Variants in MACROD2 observed in about 807,000 individuals in gnomAD.
MACROD2 encodes mono-ADP ribosylhydrolase 2.
MACROD2 carries 36 observed loss-of-function variants against 70.4 expected under a neutral mutation model. That is an observed-to-expected ratio of 0.51 (90% CI 0.39 to 0.68). The LOEUF is 0.68. MACROD2 is among the 30% of genes least tolerant of loss of function. The probability of loss-of-function intolerance (pLI) is 0.00; values close to 1 mark genes in which losing one functional copy is unlikely to be tolerated. For missense variants in MACROD2, 496 were observed against 538.4 expected (o/e 0.92, Z 0.78); for synonymous variants, 172 against 178.8 (o/e 0.96, Z 0.30).
At chr20:14,664,275 G>GC (rs1235171453) in intron 4 of MACROD2, among the ~76,000 whole-genome samples, 1 of 152,036 alleles carries the variant, frequency 6.6e-6, no homozygotes, top group Non-Finnish European at 1.5e-5. Flanking sequence ...CACTGTTACA[G>GC]CCAAAATGCT....
intron 11 of MACROD2, among the ~76,000 whole-genome samples, chr20:15,934,902 T>C (rs2065634792): frequency 6.6e-6 from 1 of 152,026 alleles, no homozygotes; most frequent in Non-Finnish European, 1.5e-5. Flanking sequence ...TTCACCATGT[T>C]GGTCTCGAAT....
At chr20:15,680,926 A>G (rs1426527968) in intron 8 of MACROD2, among the ~76,000 whole-genome samples, 1 of 152,220 alleles carries the variant, frequency 6.6e-6, no homozygotes, top group Non-Finnish European at 1.5e-5. Context: ...TTTCATTTGA[A>G]TAAAACTCAT....
chr20:15,859,749 C>T (rs561659822), intron 8 of MACROD2, among the ~76,000 whole-genome samples: 8 of 134,090 alleles, frequency 6.0e-5, no homozygotes, highest in South Asian at 2.5e-4. Context: ...TCACTGTCAC[C>T]ATCCCCGCGC....
chr20:14,949,103 C>T (rs993362694), intron 5 of MACROD2, among the ~76,000 whole-genome samples: 3 of 152,084 alleles, frequency 2.0e-5, no homozygotes, highest in African/African-American at 7.2e-5. Flanking sequence ...TAAGTACAAC[C>T]ATCAGAATTA....
chr20:14,849,041 C>T (rs992423629), intron 5 of MACROD2, among the ~76,000 whole-genome samples: 1 of 152,118 alleles, frequency 6.6e-6, no homozygotes, highest in African/African-American at 2.4e-5. Context: ...ATCCAGGCAG[C>T]CCCCACCTCT....
At chr20:15,057,068 A>G (rs2075492270) in intron 5 of MACROD2, among the ~76,000 whole-genome samples, 1 of 152,220 alleles carries the variant, frequency 6.6e-6, no homozygotes, top group African/African-American at 2.4e-5. Flanking sequence ...TATGAGTCAG[A>G]GACTTGTGTG....
intron 5 of MACROD2, among the ~76,000 whole-genome samples, chr20:14,776,436 T>C (rs2072235395): frequency 6.6e-6 from 1 of 152,030 alleles, no homozygotes; most frequent in South Asian, 2.1e-4. Context: ...GGAACCTCAA[T>C]ACAGTGCCTG....
At chr20:15,246,102 C>T (rs554468600) in intron 6 of MACROD2, among the ~76,000 whole-genome samples, 5 of 152,156 alleles carry the variant, frequency 3.3e-5, no homozygotes, top group African/African-American at 4.8e-5. Flanking sequence ...GACACATATG[C>T]CTTTAATGCT....
At chr20:14,339,185 A>G (rs890745561) in intron 3 of MACROD2, among the ~76,000 whole-genome samples, 2 of 152,240 alleles carry the variant, frequency 1.3e-5, no homozygotes, top group Non-Finnish European at 2.9e-5. Context: ...GTGATATCAA[A>G]GTAGGTGAAC....
chr20:14,834,175 A>G (rs866302159), intron 5 of MACROD2, among the ~76,000 whole-genome samples: 1 of 151,940 alleles, frequency 6.6e-6, no homozygotes, highest in Non-Finnish European at 1.5e-5. Context: ...GTTAGGAATA[A>G]AGGCCAAAAT....
At chr20:15,705,690 G>A (rs1022551882) in intron 8 of MACROD2, among the ~76,000 whole-genome samples, 1 of 152,124 alleles carries the variant, frequency 6.6e-6, no homozygotes, top group Admixed American at 6.5e-5. Context: ...TTACAGGCAC[G>A]AGCCATGGCA....
At chr20:14,444,165 A>C (rs2084157709) in intron 3 of MACROD2, among the ~76,000 whole-genome samples, 1 of 152,138 alleles carries the variant, frequency 6.6e-6, no homozygotes, top group African/African-American at 2.4e-5. Flanking sequence ...AAGCATAAGA[A>C]AAAGTTTAGG....
chr20:14,893,410 C>G (rs1314690133), intron 5 of MACROD2: 1 of 152,052 alleles, frequency 6.6e-6, no homozygotes, highest in African/African-American at 2.4e-5. Flanking sequence ...ATTTTACATT[C>G]CCAATAACAA....
At position 15,783,502 on chromosome 20, in the gene MACROD2, AT is replaced by A. The variant is rs138607988; in HGVS notation, c.646-79241del. On this transcript the variant is annotated intron_variant, in intron 8 of 17. Coordinates refer to ENST00000684519, the MANE Select transcript of MACROD2 (RefSeq NM_001351661.2). ...GTCCTATTGGAGGGGTATTTGTCTC[AT>A]TAATTAAAAGGCTCCTCCTGGTTTA... Among the ~76,000 whole-genome samples the A allele has an allele frequency of 6.5e-3, 994 of 152,198 alleles. 9 individuals are homozygous for A. Among genetic ancestry groups the A allele is most frequent in the African/African-American group, 0.022 (931 of 41,546 alleles).
At chr20:15,948,791 CTAAT>C (rs2065865120) in intron 12 of MACROD2, among the ~76,000 whole-genome samples, 1 of 152,134 alleles carries the variant, frequency 6.6e-6, no homozygotes, top group African/African-American at 2.4e-5. Flanking sequence ...CTTTTCCTTA[CTAAT>C]TAAGTATGGC....
At chr20:14,107,279 T>C (rs1249222834) in intron 3 of MACROD2, among the ~76,000 whole-genome samples, 1 of 152,200 alleles carries the variant, frequency 6.6e-6, no homozygotes, top group Non-Finnish European at 1.5e-5. Context: ...AGTCTCTTCT[T>C]AATAGCAGAA....
intron 5 of MACROD2, among the ~76,000 whole-genome samples, chr20:15,146,899 T>C (rs1178266141): frequency 6.6e-6 from 1 of 152,190 alleles, no homozygotes; most frequent in African/African-American, 2.4e-5. Context: ...GTTTCTGGTT[T>C]TGTCATCATG....
chr20:14,536,035 T>A (rs528521559), intron 4 of MACROD2, among the ~76,000 whole-genome samples: 4 of 152,094 alleles, frequency 2.6e-5, no homozygotes, highest in African/African-American at 9.6e-5. Context: ...GACAAAAAAA[T>A]AAAAAATAAA....
At chr20:15,403,682 T>G (rs914765696) in intron 6 of MACROD2, among the ~76,000 whole-genome samples, 6 of 150,860 alleles carry the variant, frequency 4.0e-5, no homozygotes, top group East Asian at 1.9e-4. Flanking sequence ...TTATAAAAAT[T>G]TTTGTCTCTT....
Sources: gnomAD v4.1 joint callset for allele counts (sites outside exome capture counted in the v4.1 genomes callset) on GRCh38, gnomAD v4.1.1 for gene constraint, MANE v1.5 for transcripts, NCBI Gene and HGNC (gene_info 2026-07-23, HGNC 2026-07-21) for gene names.